The following LRRC8C variants were observed in gnomAD, a reference collection of about 807,000 sequenced individuals.
The protein encoded by LRRC8C is leucine rich repeat containing 8 VRAC subunit C.
In LRRC8C, 20 loss-of-function variants were observed where a neutral mutation model predicts 55.3. The observed-to-expected ratio is 0.36, with a 90% CI of 0.25 to 0.53. The LOEUF (loss-of-function observed/expected upper bound fraction) is 0.53. LRRC8C is among the 20% of genes least tolerant of loss of function. The probability of loss-of-function intolerance (pLI) is 0.92; values close to 1 mark genes in which losing one functional copy is unlikely to be tolerated. For missense variants in LRRC8C, 659 were observed against 951.4 expected, an observed-to-expected ratio of 0.69 and a Z score of 4.04; for synonymous variants, 376 against 360.7, an observed-to-expected ratio of 1.04 and a Z score of -0.48.
chr1:89,665,919 T>A (rs938252413), intron 1 of LRRC8C, among the ~76,000 whole-genome samples: 9 of 152,298 alleles, frequency 5.9e-5, no homozygotes, highest in Middle Eastern at 3.4e-3. Flanking sequence ...TTCCTATGTT[T>A]CGATACACAA....
the LRRC8C span, among the ~76,000 whole-genome samples, chr1:89,620,593 A>T: frequency 6.6e-6 from 1 of 152,124 alleles, no homozygotes; most frequent in Non-Finnish European, 1.5e-5. Context: ...AAAAAAAAAA[A>T]AAAAATAGGC....
intron 1 of LRRC8C, among the ~76,000 whole-genome samples, chr1:89,663,492 C>T (rs1285022207): frequency 6.6e-6 from 1 of 151,800 alleles, no homozygotes; most frequent in Non-Finnish European, 1.5e-5. Context: ...ATGGTGTGAA[C>T]CCGGGAGGCA....
At chr1:89,673,819 C>T (rs568398569) in intron 1 of LRRC8C, among the ~76,000 whole-genome samples, 1 of 152,288 alleles carries the variant, frequency 6.6e-6, no homozygotes, top group South Asian at 2.1e-4. Flanking sequence ...GGAAAGTACT[C>T]TCTGACAGAG....
intron 1 of LRRC8C, among the ~76,000 whole-genome samples, chr1:89,651,590 A>AG (rs1324962815): frequency 1.3e-5 from 2 of 150,658 alleles, no homozygotes; most frequent in Middle Eastern, 3.5e-3. Context: ...AAAAAAAAAA[A>AG]GCAACGTAGA....
the LRRC8C span, among the ~76,000 whole-genome samples, chr1:89,617,208 T>C: frequency 1.3e-5 from 2 of 152,220 alleles, no homozygotes; most frequent in Non-Finnish European, 2.9e-5. Flanking sequence ...TATCTTATCA[T>C]CTAGGCTTGG....
intron 1 of LRRC8C, among the ~76,000 whole-genome samples, chr1:89,651,602 C>T (rs1000348587): frequency 2.7e-5 from 4 of 148,972 alleles, no homozygotes; most frequent in African/African-American, 7.4e-5. Flanking sequence ...CAACGTAGAC[C>T]ACATATGATT....
intron 1 of LRRC8C, among the ~76,000 whole-genome samples, chr1:89,648,299 C>T (rs1428401843): frequency 6.6e-6 from 1 of 152,028 alleles, no homozygotes; most frequent in Non-Finnish European, 1.5e-5. Context: ...AATTACTGTT[C>T]GTATTCAAAG....
chr1:89,621,621 A>G, the LRRC8C span, among the ~76,000 whole-genome samples: 90 of 152,304 alleles, frequency 5.9e-4, 2 homozygotes, highest in South Asian at 1.7e-3. Context: ...CAATGTGCCC[A>G]CCTGGGGAAC....
At chr1:89,648,707 C>T (rs1301291015) in intron 1 of LRRC8C, among the ~76,000 whole-genome samples, 3 of 152,030 alleles carry the variant, frequency 2.0e-5, no homozygotes, top group Non-Finnish European at 4.4e-5. Flanking sequence ...TTTTTATCAC[C>T]CCAAAAAGTA....
intron 1 of LRRC8C, among the ~76,000 whole-genome samples, chr1:89,659,061 T>TTTTTTTG (rs1294718324): frequency 7.4e-4 from 40 of 53,968 alleles, no homozygotes; most frequent in African/African-American, 2.3e-3. Context: ...TTTTTTTTTT[T>TTTTTTTG]TGTGTGTGTG....
Position 89,716,614 on chromosome 1 carries a change from C to T in LRRC8C, c.*1632C>T, listed in dbSNP as rs1658829268. ...AGGAAAATGAAATACACTATTTGTG[C>T]CCTTGACCTAGAACCAGAACCACTA... is the stretch of plus-strand genomic sequence containing the variant. On this transcript the variant is annotated 3_prime_UTR_variant, in exon 3 of 3. Coordinates refer to ENST00000370454, the MANE Select transcript of LRRC8C (RefSeq NM_032270.5). The T allele has an allele frequency of 6.6e-6, 1 of 152,102 alleles. No individual in the cohort carries two copies. The highest frequency in any genetic ancestry group is 2.4e-5 in the African/African-American group (1 of 41,428). 9.4% of individuals were successfully genotyped at this position (152,102 alleles called of 1,614,324 possible).
chr1:89,653,544 T>C (rs1656851150), intron 1 of LRRC8C, among the ~76,000 whole-genome samples: 1 of 152,128 alleles, frequency 6.6e-6, no homozygotes, highest in Non-Finnish European at 1.5e-5. Context: ...TGAGAAACAA[T>C]GGTAAAGAGT....
intron 1 of LRRC8C, among the ~76,000 whole-genome samples, chr1:89,664,917 A>T (rs1224172296): frequency 6.6e-6 from 1 of 152,088 alleles, no homozygotes; most frequent in Non-Finnish European, 1.5e-5. Context: ...TGTGAATGGG[A>T]TTTCACTCAT....
At position 89,714,422 on chromosome 1, in the gene LRRC8C, G is replaced by A. The variant is rs1489375505; in HGVS notation, c.1852G>A (p.Asp618Asn). 6.2e-7 allele frequency: 1 copy of A among 1,614,118 alleles called. No individual in the cohort carries two copies. Residue 618 changes from aspartate (D) to asparagine (N), a missense_variant, in exon 3 of 3, where the codon GAC becomes AAC. By Grantham distance (23) the Asp-to-Asn change is conservative. Coordinates refer to ENST00000370454, the MANE Select transcript of LRRC8C (RefSeq NM_032270.5). This position sits in a 1 kb window ranked among gnomAD's most constrained non-coding sequence, Gnocchi z 4.6. ...CAGCCTACTCAGCCTCCAGGAATTG[G>A]ACCTGAAGGAAAACAATCTGAAATC... ...VFSLLSLQEL[D>N]LKENNLKSIE...
At chr1:89,707,095 T>A (rs569208628) in intron 2 of LRRC8C, among the ~76,000 whole-genome samples, 4 of 152,218 alleles carry the variant, frequency 2.6e-5, no homozygotes, top group African/African-American at 9.6e-5. Flanking sequence ...TACTCCTGGA[T>A]GTCAGTCGTT....
intron 1 of LRRC8C, among the ~76,000 whole-genome samples, chr1:89,665,688 GAAGA>G (rs1367056428): frequency 6.6e-6 from 1 of 152,098 alleles, no homozygotes; most frequent in Non-Finnish European, 1.5e-5. Context: ...GCTTATTGTT[GAAGA>G]AAGAAAAATT....
At chr1:89,658,374 T>A (rs1255070339) in intron 1 of LRRC8C, among the ~76,000 whole-genome samples, 1 of 152,222 alleles carries the variant, frequency 6.6e-6, no homozygotes, top group African/African-American at 2.4e-5. Context: ...GAAGACTGTT[T>A]GAAAATATAT....
At chr1:89,616,402 GC>G in the LRRC8C span, among the ~76,000 whole-genome samples, 8 of 152,218 alleles carry the variant, frequency 5.3e-5, no homozygotes, top group East Asian at 5.8e-4. Flanking sequence ...AGCCAAGTGT[GC>G]CCGAGGCAAC....
At chr1:89,622,624 C>T in the LRRC8C span, among the ~76,000 whole-genome samples, 9,736 of 152,144 alleles carry the variant, frequency 0.064, 995 homozygotes, top group African/African-American at 0.22. Flanking sequence ...TGAGCCACCG[C>T]GCCTGGCCTA....
Sources: gnomAD v4.1 joint callset for allele counts (sites outside exome capture counted in the v4.1 genomes callset) on GRCh38, gnomAD v4.1.1 for gene constraint, Gnocchi (gnomAD v3.1) non-coding constraint, MANE v1.5 for transcripts, NCBI Gene and HGNC (gene_info 2026-07-23, HGNC 2026-07-21) for gene names.